The following HECTD2 variants were observed in gnomAD, a reference collection of about 807,000 sequenced individuals.
The protein encoded by HECTD2 is probable E3 ubiquitin-protein ligase HECTD2.
Under a neutral mutation model 103.2 loss-of-function variants are expected in HECTD2, and 35 were observed. The observed-to-expected ratio is 0.34, with a 90% confidence interval of 0.26 to 0.45. HECTD2 has a LOEUF of 0.45. Ranked by LOEUF, HECTD2 falls within the 20% of genes least tolerant of loss-of-function variation. HECTD2 has a pLI of 1.00. For missense variants in HECTD2, 596 were observed against 937.4 expected (o/e 0.64, Z 4.76); for synonymous variants, 281 against 329.9 (o/e 0.85, Z 1.61).
Position 91,512,520 on chromosome 10 carries a change from T to C in HECTD2, c.*136T>C. 1 of 835,848 alleles carries C rather than the reference T, an allele frequency of 1.2e-6. No individual in the cohort carries two copies. The highest frequency in any genetic ancestry group is 2.2e-5 in the South Asian group (1 of 46,500). 51.8% of individuals were successfully genotyped at this position (835,848 alleles called of 1,614,324 possible). ...TTTAAAATATTAAGTTTTTAAAAAA[T>C]CAAATATGAAGTATGTTCAGCAAAG... On this transcript the variant is annotated 3_prime_UTR_variant, in exon 21 of 21. Transcript: ENST00000298068.
intron 2 of HECTD2, among the ~76,000 whole-genome samples, chr10:91,437,728 A>G (rs186987847): frequency 6.6e-6 from 1 of 150,532 alleles, no homozygotes; most frequent in Non-Finnish European, 1.5e-5. Flanking sequence ...TTTTTATAAT[A>G]GATGACATAT....
intron 5 of HECTD2, among the ~76,000 whole-genome samples, chr10:91,477,012 C>G (rs1361845276): frequency 6.6e-6 from 1 of 151,824 alleles, no homozygotes; most frequent in African/African-American, 2.4e-5. Context: ...AACCCCGTCT[C>G]TACTAAAAAT....
intron 9 of HECTD2, 80 bp from the exon 10 acceptor site, chr10:91,485,100 C>A: frequency 1.0e-6 from 1 of 959,892 alleles, no homozygotes. Flanking sequence ...GTCTTGTAGA[C>A]ATTAAAATGA....
Position 91,420,471 on chromosome 10 carries a change from C to T in HECTD2, c.139-4810C>T, listed in dbSNP as rs528854450. 4.0e-5 allele frequency among the ~76,000 whole-genome samples: 6 copies of T among 151,422 alleles called. No homozygotes were observed. The South Asian group carries it at 1.3e-3, about 32-fold the overall frequency. On this transcript the variant is annotated intron_variant, in intron 1 of 20. Coordinates refer to ENST00000298068, the MANE Select transcript of HECTD2 (RefSeq NM_182765.6). ...GGGCATGGTGGCATGTGCCTATAAT[C>T]CCAGCTACTCAGGAGGCTGAGGCAG... is the stretch of plus-strand genomic sequence containing the variant.
chr10:91,491,498 A>C lies in HECTD2; in HGVS notation c.1299+191A>C, dbSNP rs528851036. Among the ~76,000 whole-genome samples the C allele has an allele frequency of 7.9e-5, 12 of 152,284 alleles. No individual in the cohort carries two copies. The East Asian group carries it at 2.3e-3, about 29-fold the overall frequency. The stretch of plus-strand genomic sequence containing the variant: ...TAGTTAAAATCAGATCTGTATTCAT[A>C]ATTGTCTTATATTCATGTTTGTATG... On this transcript the variant is annotated intron_variant, in intron 12 of 20. Coordinates refer to ENST00000298068, the MANE Select transcript of HECTD2 (RefSeq NM_182765.6).
chr10:91,456,741 G>T (rs1204313611), intron 2 of HECTD2, among the ~76,000 whole-genome samples: 2 of 151,894 alleles, frequency 1.3e-5, no homozygotes, highest in African/African-American at 4.8e-5. Context: ...ATTATTTTGA[G>T]ATACGTCAAA....
intron 5 of HECTD2, chr10:91,463,711 A>G (rs967136607): frequency 1.3e-5 from 2 of 152,216 alleles, no homozygotes; most frequent in Admixed American, 6.5e-5. Flanking sequence ...ATTAAATATA[A>G]ACATCCTTTG....
intron 15 of HECTD2, 100 bp downstream of exon 15, chr10:91,496,472 G>T: frequency 1.2e-6 from 1 of 818,440 alleles, no homozygotes. Flanking sequence ...TTTTAAATAT[G>T]GTTTCCTTCT....
chr10:91,419,683 G>A (rs1843272680), intron 1 of HECTD2, among the ~76,000 whole-genome samples: 1 of 152,094 alleles, frequency 6.6e-6, no homozygotes, highest in Admixed American at 6.6e-5. Context: ...ATTATTTAAA[G>A]GTTGAAATAT....
rs1846465152 is a variant in HECTD2 at position 91,491,185 on chromosome 10, T to C, written c.1192-15T>C. Reference sequence around the variant, plus strand: ...CTAAGTAAAAGCAAAACTGTTTACTTTCTTATTTAATCAGCAAAGTCTGGT... The same window carrying C: ...CTAAGTAAAAGCAAAACTGTTTACTCTCTTATTTAATCAGCAAAGTCTGGT... On this transcript the variant is annotated splice_polypyrimidine_tract_variant and intron_variant, in intron 11 of 20. Transcript: ENST00000298068. 3.7e-6 allele frequency: 5 copies of C among 1,347,110 alleles called. No homozygotes were observed. Among genetic ancestry groups the C allele is most frequent in the Non-Finnish European group, 5.3e-6 (5 of 944,568 alleles). The allele number at this position is 1,347,110 out of a possible 1,614,324, so 83.4% of individuals were successfully genotyped here.
At chr10:91,424,122 T>C (rs1481061929) in intron 1 of HECTD2, among the ~76,000 whole-genome samples, 1 of 152,142 alleles carries the variant, frequency 6.6e-6, no homozygotes, top group Non-Finnish European at 1.5e-5. Context: ...TGCTCTAACA[T>C]GTCAACTCAG....
intron 10 of HECTD2, 86 bp downstream of exon 10, chr10:91,485,389 C>A: frequency 2.0e-6 from 2 of 981,926 alleles, no homozygotes; most frequent in Non-Finnish European, 3.0e-6. Context: ...ATGAAGTTTA[C>A]ACATACGTTT....
chr10:91,478,169 C>G, intron 5 of HECTD2, 32 bp from the exon 6 acceptor site: 1 of 1,444,472 alleles, frequency 6.9e-7, no homozygotes, highest in African/African-American at 1.4e-5. Flanking sequence ...TTTGGTAATC[C>G]TAATTACCTT....
chr10:91,504,000 C>T (rs1847030668), intron 20 of HECTD2, among the ~76,000 whole-genome samples: 1 of 152,174 alleles, frequency 6.6e-6, no homozygotes, highest in Admixed American at 6.5e-5. Flanking sequence ...CTGGGAGGCA[C>T]CCTCCAGCAG....
chr10:91,430,567 G>A (rs1429051428), intron 2 of HECTD2, among the ~76,000 whole-genome samples: 3 of 152,106 alleles, frequency 2.0e-5, no homozygotes, highest in Admixed American at 6.6e-5. Context: ...GTGCTCCTGT[G>A]TTGGGTGCAT....
intron 1 of HECTD2, among the ~76,000 whole-genome samples, chr10:91,420,525 T>G (rs568595637): frequency 7.8e-4 from 118 of 151,144 alleles, no homozygotes; most frequent in Non-Finnish European, 1.0e-3. Context: ...GAGGCAGAGG[T>G]TGCAGTGAGC....
chr10:91,463,036 T>G (rs906709812), intron 5 of HECTD2: 3 of 152,228 alleles, frequency 2.0e-5, no homozygotes, highest in Non-Finnish European at 4.4e-5. Context: ...TATATTTATC[T>G]TTATCTAAAT....
At position 91,431,786 on chromosome 10, in the gene HECTD2, A is replaced by G. The variant is rs564058941; in HGVS notation, c.268+6376A>G. ...TATTCTAGTTATATATTCTTCTAAAATTTTTTCAAAGTTTTCAACTTCTTT... is the reference window on the plus strand; with the variant it reads ...TATTCTAGTTATATATTCTTCTAAAGTTTTTTCAAAGTTTTCAACTTCTTT... On this transcript the variant is annotated intron_variant, in intron 2 of 20. Transcript: ENST00000298068. 2.6e-5 allele frequency among the ~76,000 whole-genome samples: 4 copies of G among 151,822 alleles called. No individual in the cohort carries two copies. The East Asian group carries it at 7.8e-4, about 30-fold the overall frequency.
At position 91,512,911 on chromosome 10, in the gene HECTD2, A is replaced by C. The variant is rs1847476338; in HGVS notation, c.*527A>C. ...GCTTGGGACCTATAAGATTCTTCTC[A>C]GCAGTTGCTGAAAAGCATGTAAATA... On this transcript the variant is annotated 3_prime_UTR_variant, in exon 21 of 21. Transcript: ENST00000298068. The C allele has an allele frequency of 1.3e-5, 2 of 152,908 alleles. No homozygotes were observed. 9.5% of individuals were successfully genotyped at this position (152,908 alleles called of 1,614,324 possible). A position where few individuals can be genotyped will look rare whatever the true frequency, so the allele number is the denominator to read the frequency against.
Sources: gnomAD v4.1 joint callset for allele counts (sites outside exome capture counted in the v4.1 genomes callset) on GRCh38, gnomAD v4.1.1 for gene constraint, MANE v1.5 for transcripts, NCBI Gene and HGNC (gene_info 2026-07-23, HGNC 2026-07-21) for gene names.